Variants in ACTR3C observed in about 807,000 individuals in gnomAD.
ACTR3C encodes the protein actin-related protein 3C.
Under a neutral mutation model 26.3 loss-of-function variants are expected in ACTR3C, and 18 were observed. The observed-to-expected ratio is 0.68, with a 90% confidence interval of 0.47 to 1.01. ACTR3C has a LOEUF of 1.01. Among genes scored for constraint, ACTR3C ranks in the 50% least tolerant of loss-of-function variants. ACTR3C has a pLI of 0.00. For missense variants in ACTR3C, 184 were observed against 250.7 expected, an observed-to-expected ratio of 0.73 and a Z score of 1.80; for synonymous variants, 55 against 94.5, an observed-to-expected ratio of 0.58 and a Z score of 2.42.
the ACTR3C span, among the ~76,000 whole-genome samples, chr7:150,072,922 G>A: frequency 3.9e-5 from 6 of 152,086 alleles, no homozygotes; most frequent in African/African-American, 1.4e-4. Flanking sequence ...CCAGATGAGC[G>A]AGAACAAGCA....
chr7:150,038,657 G>A, the ACTR3C span, among the ~76,000 whole-genome samples: 5 of 144,976 alleles, frequency 3.4e-5, no homozygotes, highest in South Asian at 2.1e-4. Flanking sequence ...TAAATCCCAC[G>A]TAAGGTCGGA....
the ACTR3C span, among the ~76,000 whole-genome samples, chr7:150,078,761 T>C: frequency 6.6e-6 from 1 of 152,198 alleles, no homozygotes; most frequent in Non-Finnish European, 1.5e-5. Context: ...AAGATGAGCA[T>C]TTGAATTGGT....
intron 1 of ACTR3C, among the ~76,000 whole-genome samples, chr7:150,300,760 CT>C (rs1270622481): frequency 7.9e-5 from 12 of 151,004 alleles, no homozygotes; most frequent in African/African-American, 2.4e-4. Flanking sequence ...CAAACACAGG[CT>C]GCAAATAGGG....
chr7:150,233,129 A>ATATT, the ACTR3C span, among the ~76,000 whole-genome samples: 1 of 151,936 alleles, frequency 6.6e-6, no homozygotes, highest in Non-Finnish European at 1.5e-5. Flanking sequence ...ACTTCTTTTA[A>ATATT]TATTTTCTTA....
chr7:150,182,698 T>G, the ACTR3C span, among the ~76,000 whole-genome samples: 17 of 150,992 alleles, frequency 1.1e-4, 1 homozygote, highest in African/African-American at 3.7e-4. Flanking sequence ...ATAAGCCATA[T>G]CTTCACCTGA....
At chr7:150,082,947 C>CTTTTTTTTTTTTTTTTTTTTTTTTTTTTT in the ACTR3C span, among the ~76,000 whole-genome samples, 1 of 108,550 alleles carries the variant, frequency 9.2e-6, no homozygotes, top group African/African-American at 3.6e-5. Context: ...TTTTTTTTTT[C>CTTTTTTTTTTTTTTTTTTTTTTTTTTTTT]TTTTTTTTTT....
the ACTR3C span, among the ~76,000 whole-genome samples, chr7:149,999,408 G>A: frequency 2.7e-5 from 4 of 150,714 alleles, no homozygotes; most frequent in African/African-American, 7.3e-5. Flanking sequence ...CTCGCAGCAC[G>A]GCGGGAGAGT....
At chr7:149,939,467 A>T in the ACTR3C span, among the ~76,000 whole-genome samples, 2 of 152,210 alleles carry the variant, frequency 1.3e-5, no homozygotes, top group Non-Finnish European at 1.5e-5. Flanking sequence ...CGTTGTGCAT[A>T]CATTACTTTG....
chr7:150,294,052 C>A (rs914334588), intron 2 of ACTR3C, among the ~76,000 whole-genome samples: 1 of 152,148 alleles, frequency 6.6e-6, no homozygotes, highest in African/African-American at 2.4e-5. Context: ...TGGTTTCCGG[C>A]GTGGGGCCAC....
chr7:150,176,637 C>A, the ACTR3C span, among the ~76,000 whole-genome samples: 1 of 150,814 alleles, frequency 6.6e-6, no homozygotes, highest in Non-Finnish European at 1.5e-5. Flanking sequence ...ATGTCAGTAT[C>A]AACAGAAACA....
At chr7:150,032,405 T>A in the ACTR3C span, among the ~76,000 whole-genome samples, 3 of 152,218 alleles carry the variant, frequency 2.0e-5, no homozygotes, top group Non-Finnish European at 2.9e-5. Context: ...GTCCTGTTCC[T>A]GTCTGTGCAA....
intron 6 of ACTR3C, among the ~76,000 whole-genome samples, chr7:150,271,425 A>C (rs1834441736): frequency 6.6e-6 from 1 of 151,346 alleles, no homozygotes; most frequent in Non-Finnish European, 1.5e-5. Context: ...TACGAGTGAG[A>C]ACCTGCAGTG....
chr7:149,995,153 C>T, the ACTR3C span, among the ~76,000 whole-genome samples: 25 of 152,202 alleles, frequency 1.6e-4, no homozygotes, highest in Non-Finnish European at 3.1e-4. Context: ...CTGCGCCCAG[C>T]CCAACACTCT....
At chr7:150,160,559 T>A in the ACTR3C span, among the ~76,000 whole-genome samples, 2 of 152,206 alleles carry the variant, frequency 1.3e-5, no homozygotes, top group African/African-American at 4.8e-5. Flanking sequence ...GGCATTTTGA[T>A]GTTTATATTT....
chr7:150,190,612 C>T, the ACTR3C span, among the ~76,000 whole-genome samples: 1 of 152,188 alleles, frequency 6.6e-6, no homozygotes, highest in African/African-American at 2.4e-5. Flanking sequence ...TGCCTTTCCT[C>T]TGTAAAATTA....
chr7:150,153,053 C>T, the ACTR3C span, among the ~76,000 whole-genome samples: 1,846 of 152,100 alleles, frequency 0.012, 26 homozygotes, highest in African/African-American at 0.042. Context: ...GTCTTACTAG[C>T]GGTCTATCAA....
At chr7:150,266,913 G>A (rs1388056707) in intron 6 of ACTR3C, among the ~76,000 whole-genome samples, 1 of 152,254 alleles carries the variant, frequency 6.6e-6, no homozygotes, top group Non-Finnish European at 1.5e-5. Flanking sequence ...CTTGTACACT[G>A]TTGGTGGGAG....
chr7:150,018,633 A>C, the ACTR3C span, among the ~76,000 whole-genome samples: 3 of 150,056 alleles, frequency 2.0e-5, 1 homozygote, highest in Non-Finnish European at 4.4e-5. Flanking sequence ...TTTTAACAAC[A>C]AAAAAAATCC....
intron 6 of ACTR3C, among the ~76,000 whole-genome samples, chr7:150,280,059 A>G (rs1361318573): frequency 6.6e-6 from 1 of 152,228 alleles, no homozygotes; most frequent in East Asian, 1.9e-4. Flanking sequence ...TAAAGCGTGC[A>G]AGTTACTAAA....
Sources: gnomAD v4.1 joint callset for allele counts (sites outside exome capture counted in the v4.1 genomes callset) on GRCh38, gnomAD v4.1.1 for gene constraint, MANE v1.5 for transcripts, NCBI Gene and HGNC (gene_info 2026-07-23, HGNC 2026-07-21) for gene names.